The following KHDRBS2 variants were observed in gnomAD, a reference collection of about 807,000 sequenced individuals.
The protein encoded by KHDRBS2 is KH RNA binding domain containing, signal transduction associated 2, also known as KH domain-containing, RNA-binding, signal transduction-associated protein 2.
In KHDRBS2, 26 loss-of-function variants were observed where a neutral mutation model predicts 44.3. That is an observed-to-expected ratio of 0.59 (90% CI 0.43 to 0.81). KHDRBS2 has a LOEUF of 0.81. Ranked by LOEUF, KHDRBS2 falls within the 40% of genes least tolerant of loss-of-function variation. The probability of loss-of-function intolerance (pLI) is 0.00; values close to 1 mark genes in which losing one functional copy is unlikely to be tolerated. For missense variants in KHDRBS2, 476 were observed against 433.1 expected, an observed-to-expected ratio of 1.10 and a Z score of -0.88; for synonymous variants, 194 against 151.1, an observed-to-expected ratio of 1.28 and a Z score of -2.08.
intron 6 of KHDRBS2, among the ~76,000 whole-genome samples, chr6:61,848,915 T>C (rs1795043705): frequency 6.6e-6 from 1 of 151,974 alleles, no homozygotes; most frequent in Non-Finnish European, 1.5e-5. Flanking sequence ...TTACATAAAC[T>C]TGAATTTAAG....
intron 2 of KHDRBS2, among the ~76,000 whole-genome samples, chr6:62,103,980 G>T (rs541203819): frequency 6.6e-6 from 1 of 152,228 alleles, no homozygotes; most frequent in South Asian, 2.1e-4. Flanking sequence ...GGATGACCAT[G>T]GAAAAGAAAA....
At chr6:61,981,950 A>G (rs1773932808) in intron 3 of KHDRBS2, among the ~76,000 whole-genome samples, 2 of 152,190 alleles carry the variant, frequency 1.3e-5, no homozygotes, top group South Asian at 4.1e-4. Context: ...GTAGTCAGTC[A>G]TAATTCTATG....
chr6:61,701,589 A>C (rs928977630), intron 7 of KHDRBS2, among the ~76,000 whole-genome samples: 2 of 152,022 alleles, frequency 1.3e-5, no homozygotes, highest in Non-Finnish European at 2.9e-5. Context: ...GCCATGGATA[A>C]GTCCATTTAT....
At chr6:61,962,138 G>C (rs1481621282) in intron 4 of KHDRBS2, among the ~76,000 whole-genome samples, 2 of 152,066 alleles carry the variant, frequency 1.3e-5, no homozygotes, top group African/African-American at 4.8e-5. Flanking sequence ...AGCTTTGATA[G>C]AAATTGGGCA....
chr6:61,939,404 C>A (rs528969627), intron 4 of KHDRBS2, among the ~76,000 whole-genome samples: 3 of 152,166 alleles, frequency 2.0e-5, no homozygotes, highest in Non-Finnish European at 4.4e-5. Flanking sequence ...TTTTAATTTT[C>A]TGCTTACCCC....
chr6:61,686,789 CT>C (rs200953450), intron 8 of KHDRBS2, among the ~76,000 whole-genome samples: 1,568 of 151,300 alleles, frequency 0.01, 12 homozygotes, highest in African/African-American at 0.013. Context: ...TCTTTTTCCT[CT>C]TTTTTTCCCC....
intron 3 of KHDRBS2, among the ~76,000 whole-genome samples, chr6:62,005,355 T>C (rs1779020549): frequency 6.6e-6 from 1 of 152,094 alleles, no homozygotes; most frequent in Non-Finnish European, 1.5e-5. Context: ...TTTCTATTCC[T>C]GTCATCATTA....
At chr6:61,808,185 A>G (rs1218259457) in intron 6 of KHDRBS2, among the ~76,000 whole-genome samples, 1 of 152,088 alleles carries the variant, frequency 6.6e-6, no homozygotes, top group Non-Finnish European at 1.5e-5. Flanking sequence ...CTCAACCACT[A>G]CTAGTAGTTT....
chr6:61,661,029 T>G, the KHDRBS2 span, among the ~76,000 whole-genome samples: 2 of 151,854 alleles, frequency 1.3e-5, no homozygotes, highest in African/African-American at 4.8e-5. Flanking sequence ...CATGTTCTGA[T>G]GAATAAGACA....
At chr6:61,896,528 C>T (rs1392691859) in intron 5 of KHDRBS2, among the ~76,000 whole-genome samples, 1 of 152,148 alleles carries the variant, frequency 6.6e-6, no homozygotes, top group Non-Finnish European at 1.5e-5. Flanking sequence ...CCTAGCAAAC[C>T]TGCCTCCTGA....
chr6:61,935,571 A>G (rs1322780843), intron 4 of KHDRBS2, among the ~76,000 whole-genome samples: 1 of 152,164 alleles, frequency 6.6e-6, no homozygotes, highest in Non-Finnish European at 1.5e-5. Context: ...AGGTTTTACA[A>G]TACTATCATA....
At chr6:62,055,005 T>G (rs1368838168) in intron 2 of KHDRBS2, among the ~76,000 whole-genome samples, 4 of 152,054 alleles carry the variant, frequency 2.6e-5, no homozygotes, top group Admixed American at 2.0e-4. Flanking sequence ...AAATTCTAGA[T>G]GGTTTATAGA....
At chr6:62,183,166 G>C (rs1487413008) in intron 1 of KHDRBS2, among the ~76,000 whole-genome samples, 1 of 151,772 alleles carries the variant, frequency 6.6e-6, no homozygotes, top group Middle Eastern at 3.4e-3. Context: ...AAGTTATTTT[G>C]TGGTGATTAT....
chr6:62,053,434 C>T (rs4117197), intron 2 of KHDRBS2, among the ~76,000 whole-genome samples: 28,899 of 151,894 alleles, frequency 0.19, 3,469 homozygotes, highest in Admixed American at 0.31. Flanking sequence ...CAAAATACAT[C>T]ATGATTGAGT....
At chr6:61,914,027 G>A (rs1806521731) in intron 4 of KHDRBS2, among the ~76,000 whole-genome samples, 1 of 152,054 alleles carries the variant, frequency 6.6e-6, no homozygotes, top group African/African-American at 2.4e-5. Flanking sequence ...GATGGACAGT[G>A]AAATAACCAG....
chr6:62,040,362 T>C (rs748361535), intron 3 of KHDRBS2, among the ~76,000 whole-genome samples: 1 of 152,062 alleles, frequency 6.6e-6, no homozygotes, highest in Non-Finnish European at 1.5e-5. Context: ...TAATAATGTG[T>C]TCCAGTTATT....
intron 3 of KHDRBS2, among the ~76,000 whole-genome samples, chr6:62,041,121 G>A (rs1241352604): frequency 1.3e-5 from 2 of 151,840 alleles, no homozygotes; most frequent in East Asian, 1.9e-4. Context: ...ACCTGAGGTC[G>A]GGAGTTCAAA....
At chr6:61,671,771 T>C in the KHDRBS2 span, among the ~76,000 whole-genome samples, 1 of 151,802 alleles carries the variant, frequency 6.6e-6, no homozygotes, top group African/African-American at 2.4e-5. Context: ...TCACTTGGGT[T>C]CTTAACACAT....
chr6:61,841,253 TG>T, intron 6 of KHDRBS2, among the ~76,000 whole-genome samples: 1 of 152,308 alleles, frequency 6.6e-6, no homozygotes, highest in East Asian at 1.9e-4. Context: ...AGCATTGTTT[TG>T]CATGGTCCTA....
Sources: gnomAD v4.1 joint callset for allele counts (sites outside exome capture counted in the v4.1 genomes callset) on GRCh38, gnomAD v4.1.1 for gene constraint, MANE v1.5 for transcripts, NCBI Gene and HGNC (gene_info 2026-07-23, HGNC 2026-07-21) for gene names.